The following ABR variants were observed in gnomAD, a reference collection of about 807,000 sequenced individuals.
ABR encodes the protein ABR activator of RhoGEF and GTPase.
A neutral mutation model predicts 107.2 loss-of-function variants in ABR; 35 were observed. The ratio of observed to expected loss-of-function variants is 0.33; its 90% CI spans 0.25 to 0.43. The LOEUF is 0.43. ABR is among the 20% of genes least tolerant of loss of function. The pLI is 1.00. For synonymous variants in ABR, 498 were observed against 462.0 expected (o/e 1.08, Z -1.00); for missense variants, 815 against 1,115.2 (o/e 0.73, Z 3.83).
At chr17:1,056,920 C>T in intron 13 of ABR, 78 bp downstream of exon 13, 1 of 960,458 alleles carries the variant, frequency 1.0e-6, no homozygotes, top group Non-Finnish European at 1.7e-6. Flanking sequence ...ACATGTCTGT[C>T]TGAGTCCTTA....
intron 1 of ABR, among the ~76,000 whole-genome samples, chr17:1,211,303 A>G (rs62088683): frequency 1.1e-3 from 1 of 928 alleles, no homozygotes; most frequent in African/African-American, 1.1e-3. Flanking sequence ...ATAAATAAAT[A>G]AATAAATAAA....
intron 2 of ABR, chr17:1,108,785 C>T (rs916867205): frequency 1.9e-6 from 2 of 1,030,122 alleles, no homozygotes; most frequent in African/African-American, 3.5e-5. Context: ...CCGCCCCTCT[C>T]CCCCGGGAAC....
intron 2 of ABR, among the ~76,000 whole-genome samples, chr17:1,104,924 T>C (rs544617147): frequency 3.1e-4 from 47 of 152,072 alleles, no homozygotes; most frequent in Non-Finnish European, 5.7e-4. Context: ...TGGTTGTTCA[T>C]ATCCCACCCT....
At chr17:1,076,727 G>GC (rs1567711000) in intron 6 of ABR, among the ~76,000 whole-genome samples, 1 of 122,912 alleles carries the variant, frequency 8.1e-6, no homozygotes, top group African/African-American at 4.0e-5. Context: ...GGGGGGTGGG[G>GC]GTGGGGGGGG....
chr17:1,161,454 C>T (rs574521015), intron 1 of ABR, among the ~76,000 whole-genome samples: 29 of 152,062 alleles, frequency 1.9e-4, no homozygotes, highest in Admixed American at 4.6e-4. Context: ...ATATGTTGCC[C>T]GGACTGGTCT....
At chr17:1,016,312 C>T (rs572513501) in intron 16 of ABR, among the ~76,000 whole-genome samples, 74 of 144,160 alleles carry the variant, frequency 5.1e-4, no homozygotes, top group African/African-American at 1.6e-3. Context: ...CTGACCCCAA[C>T]GTTTCTTTTT....
chr17:1,180,631 C>T (rs960799540), upstream of ABR, among the ~76,000 whole-genome samples: 1 of 152,192 alleles, frequency 6.6e-6, no homozygotes, highest in Admixed American at 6.5e-5. Flanking sequence ...CCACGCGTTC[C>T]CCTCCAGGAC....
At chr17:1,214,781 A>C (rs185379730) in intron 1 of ABR, among the ~76,000 whole-genome samples, 173 of 146,280 alleles carry the variant, frequency 1.2e-3, no homozygotes, top group African/African-American at 4.0e-3. Context: ...AGCCTAGGCA[A>C]CAAGAGCGAA....
intron 2 of ABR, among the ~76,000 whole-genome samples, chr17:1,116,736 A>AT (rs1355958193): frequency 1.6e-4 from 9 of 57,476 alleles, no homozygotes; most frequent in Non-Finnish European, 2.5e-4. Context: ...CATCTACTAA[A>AT]CGGGGGCAGC....
At chr17:1,205,741 G>A (rs2042776105) in intron 1 of ABR, among the ~76,000 whole-genome samples, 1 of 152,214 alleles carries the variant, frequency 6.6e-6, no homozygotes, top group Non-Finnish European at 1.5e-5. Context: ...TCAAGAGACG[G>A]AGACCATCCT....
chr17:1,103,583 C>A (rs2038053302), intron 2 of ABR, among the ~76,000 whole-genome samples: 1 of 152,184 alleles, frequency 6.6e-6, no homozygotes, highest in African/African-American at 2.4e-5. Context: ...CGAGCATAGA[C>A]CCTGGAAGCC....
chr17:1,079,179 G>C, intron 6 of ABR, 151 bp downstream of exon 6: 1 of 1,471,564 alleles, frequency 6.8e-7, no homozygotes, highest in Non-Finnish European at 9.0e-7. Flanking sequence ...CGCGCACTCA[G>C]CTCACACTCA....
intron 1 of ABR, among the ~76,000 whole-genome samples, chr17:1,175,097 A>C (rs2041871823): frequency 6.6e-6 from 1 of 152,248 alleles, no homozygotes; most frequent in Non-Finnish European, 1.5e-5. Context: ...AAGGGTGATT[A>C]AAGACCTAGA....
chr17:1,013,225 C>G, intron 16 of ABR, 61 bp from the exon 17 acceptor site: 1 of 1,538,188 alleles, frequency 6.5e-7, no homozygotes, highest in Non-Finnish European at 9.0e-7. Context: ...AGAGATCTCC[C>G]CGTGGGTCAG....
At chr17:1,226,494 TGTA>T (rs917950415) in intron 1 of ABR, among the ~76,000 whole-genome samples, 3 of 144,494 alleles carry the variant, frequency 2.1e-5, no homozygotes, top group Non-Finnish European at 4.5e-5. Context: ...TGTGTATACG[TGTA>T]GGTGTGCATG....
At chr17:1,028,453 T>G (rs1459860354) in intron 16 of ABR, among the ~76,000 whole-genome samples, 1 of 152,130 alleles carries the variant, frequency 6.6e-6, no homozygotes, top group Non-Finnish European at 1.5e-5. Flanking sequence ...AGGCTGGTCT[T>G]GGACTCCTGA....
chr17:1,177,051 G>T (rs185740260), intron 1 of ABR, among the ~76,000 whole-genome samples: 1 of 151,884 alleles, frequency 6.6e-6, no homozygotes, highest in Non-Finnish European at 1.5e-5. Context: ...CTGTGCCCTG[G>T]GTATACCCCC....
chr17:1,065,799 G>A (rs1475967442), intron 10 of ABR, among the ~76,000 whole-genome samples: 1 of 145,390 alleles, frequency 6.9e-6, no homozygotes, highest in African/African-American at 2.6e-5. Context: ...AGGCTGGAGT[G>A]CAGCAGCGGA....
chr17:1,094,903 G>A (rs377672936), intron 3 of ABR, among the ~76,000 whole-genome samples: 2 of 152,170 alleles, frequency 1.3e-5, no homozygotes, highest in East Asian at 1.9e-4. Context: ...GGAGGCAGGA[G>A]CAAGGGAAGA....
Sources: allele counts gnomAD v4.1 joint callset (sites outside exome capture counted in the v4.1 genomes callset), GRCh38; gene constraint gnomAD v4.1.1; transcripts MANE v1.5; gene names NCBI Gene and HGNC (gene_info 2026-07-23, HGNC 2026-07-21).